LRFN5: variants seen among roughly 807,000 people sequenced by gnomAD.
LRFN5 encodes leucine-rich repeat and fibronectin type-III domain-containing protein 5.
A neutral mutation model predicts 45.6 loss-of-function variants in LRFN5; 24 were observed. The ratio of observed to expected loss-of-function variants is 0.53; its 90% CI spans 0.38 to 0.74. The LOEUF is 0.74. LRFN5 is among the 30% of genes least tolerant of loss of function. The pLI, the probability that LRFN5 is intolerant of heterozygous loss-of-function variation, is 0.00. For missense variants in LRFN5, 776 were observed against 861.5 expected, an observed-to-expected ratio of 0.90 and a Z score of 1.24; for synonymous variants, 340 against 313.8, an observed-to-expected ratio of 1.08 and a Z score of -0.88.
At chr14:41,759,518 A>T (rs1431667268) in intron 1 of LRFN5, among the ~76,000 whole-genome samples, 1 of 150,034 alleles carries the variant, frequency 6.7e-6, no homozygotes, top group Non-Finnish European at 1.5e-5. Flanking sequence ...ACCAGAAAAC[A>T]GCATTTTATT....
chr14:41,710,295 CTTCAAATTAATGAAAT>C lies in LRFN5; in HGVS notation c.-196-56554_-196-56539del, dbSNP rs1883228747. Among the ~76,000 whole-genome samples, 5 of 152,208 alleles carry C rather than the reference CTTCAAATTAATGAAAT, an allele frequency of 3.3e-5. No homozygotes were observed. In the South Asian group the frequency reaches 1.0e-3, roughly 32 times the overall value. ...TCAGTCTCCAAACATTTTGAAAGGACTTCAAATTAATGAAATTTCATTAGTGGCATACTCTTGCATC... is the reference window on the plus strand; with the variant it reads ...TCAGTCTCCAAACATTTTGAAAGGACTTCATTAGTGGCATACTCTTGCATC... On this transcript the variant is annotated intron_variant, in intron 1 of 5. Transcript: ENST00000298119.
chr14:41,619,926 T>C (rs1888061442), intron 1 of LRFN5, among the ~76,000 whole-genome samples: 1 of 152,072 alleles, frequency 6.6e-6, no homozygotes, highest in Admixed American at 6.6e-5. Context: ...AATGGAATGC[T>C]CAAACAGCAC....
intron 2 of LRFN5, among the ~76,000 whole-genome samples, chr14:41,830,651 A>T (rs573269522): frequency 1.3e-5 from 2 of 152,130 alleles, no homozygotes; most frequent in African/African-American, 4.8e-5. Flanking sequence ...AGAAACTAGC[A>T]CTCCTGCAGT....
intron 2 of LRFN5, among the ~76,000 whole-genome samples, chr14:41,872,958 T>G (rs187469228): frequency 6.6e-6 from 1 of 152,340 alleles, no homozygotes; most frequent in Admixed American, 6.5e-5. Context: ...TTCACTAAAC[T>G]TTTGTCTAAA....
chr14:41,795,923 A>AT lies in LRFN5; in HGVS notation c.-21+28895dup, dbSNP rs371192666. ...ACATGTACCCTAGAACTTAAAGTATATAAAAAAAAAGTTCCGGCTAAACAC... is the reference window on the plus strand; with the variant it reads ...ACATGTACCCTAGAACTTAAAGTATATTAAAAAAAAAGTTCCGGCTAAACAC... On this transcript the variant is annotated intron_variant, in intron 2 of 5. Transcript: ENST00000298119. Among the ~76,000 whole-genome samples, 27 of 66,200 alleles carry AT rather than the reference A, an allele frequency of 4.1e-4. No individual in the cohort carries two copies. In the East Asian group the frequency reaches 0.023, roughly 58 times the overall value. 43.4% of individuals were successfully genotyped at this position (66,200 alleles called of 152,430 possible).
chr14:41,806,100 A>G (rs1887517113), intron 2 of LRFN5, among the ~76,000 whole-genome samples: 1 of 152,182 alleles, frequency 6.6e-6, no homozygotes, highest in African/African-American at 2.4e-5. Context: ...AAATATTTTT[A>G]TTCCTTTCAC....
intron 2 of LRFN5, among the ~76,000 whole-genome samples, chr14:41,798,407 T>A (rs568807366): frequency 1.3e-5 from 2 of 152,096 alleles, no homozygotes; most frequent in East Asian, 3.9e-4. Context: ...AGAACTTATG[T>A]TTGACTTATT....
chr14:41,765,224 C>T (rs886565426), intron 1 of LRFN5, among the ~76,000 whole-genome samples: 1 of 151,760 alleles, frequency 6.6e-6, no homozygotes, highest in African/African-American at 2.4e-5. Context: ...CGCCTGTATT[C>T]CCAGCTACTC....
chr14:41,763,386 G>C (rs757376109), intron 1 of LRFN5, among the ~76,000 whole-genome samples: 2 of 152,152 alleles, frequency 1.3e-5, no homozygotes, highest in Non-Finnish European at 2.9e-5. Context: ...GTATCATTTG[G>C]TGCTGGAGGA....
At chr14:41,848,340 A>C (rs1889142336) in intron 2 of LRFN5, among the ~76,000 whole-genome samples, 1 of 152,134 alleles carries the variant, frequency 6.6e-6, no homozygotes, top group Non-Finnish European at 1.5e-5. Context: ...TAGAAAGTTT[A>C]AACTACCAAA....
chr14:41,772,636 A>T (rs1886131109), intron 2 of LRFN5, among the ~76,000 whole-genome samples: 1 of 152,168 alleles, frequency 6.6e-6, no homozygotes, highest in Non-Finnish European at 1.5e-5. Context: ...TATAGCACAG[A>T]CCTTGCTAGT....
chr14:41,791,679 G>C (rs922805120), intron 2 of LRFN5, among the ~76,000 whole-genome samples: 2 of 152,006 alleles, frequency 1.3e-5, no homozygotes, highest in Admixed American at 6.6e-5. Flanking sequence ...ACTGTGTTCA[G>C]CTTTTTTACT....
At chr14:41,787,767 ATTTTATT>A (rs1244514932) in intron 2 of LRFN5, among the ~76,000 whole-genome samples, 8 of 150,722 alleles carry the variant, frequency 5.3e-5, no homozygotes, top group African/African-American at 1.5e-4. Flanking sequence ...ATTAGTTTAT[ATTTTATT>A]TTTTATTTTT....
intron 1 of LRFN5, among the ~76,000 whole-genome samples, chr14:41,674,440 C>T (rs1354072242): frequency 7.2e-6 from 1 of 138,946 alleles, no homozygotes; most frequent in Non-Finnish European, 1.6e-5. Context: ...CCTCACTTCC[C>T]AGTAGGGGCG....
At chr14:41,823,870 T>C (rs1330835983) in intron 2 of LRFN5, among the ~76,000 whole-genome samples, 1 of 152,140 alleles carries the variant, frequency 6.6e-6, no homozygotes, top group Non-Finnish European at 1.5e-5. Flanking sequence ...TTTTTAAAAA[T>C]TATCTTTTCC....
At chr14:41,837,976 A>G (rs541977613) in intron 2 of LRFN5, among the ~76,000 whole-genome samples, 23 of 152,280 alleles carry the variant, frequency 1.5e-4, no homozygotes, top group African/African-American at 4.1e-4. Flanking sequence ...TCCACATGAG[A>G]CTATATTTAG....
chr14:41,732,370 G>C (rs1037020780), intron 1 of LRFN5, among the ~76,000 whole-genome samples: 2 of 152,126 alleles, frequency 1.3e-5, no homozygotes, highest in Non-Finnish European at 2.9e-5. Flanking sequence ...GATTTAAGAG[G>C]CTGGTGCCTT....
chr14:41,663,115 G>A (rs1001545288), intron 1 of LRFN5, among the ~76,000 whole-genome samples: 5 of 152,220 alleles, frequency 3.3e-5, no homozygotes, highest in Admixed American at 3.3e-4. Context: ...ATAGAAACAT[G>A]AGAGGTGACT....
At chr14:41,791,003 A>G (rs1451349057) in intron 2 of LRFN5, among the ~76,000 whole-genome samples, 8 of 151,762 alleles carry the variant, frequency 5.3e-5, no homozygotes, top group Non-Finnish European at 1.2e-4. Context: ...TCCACATATT[A>G]TTTTCAATTT....
Sources: gnomAD v4.1 joint callset for allele counts (sites outside exome capture counted in the v4.1 genomes callset) on GRCh38, gnomAD v4.1.1 for gene constraint, MANE v1.5 for transcripts, NCBI Gene and HGNC (gene_info 2026-07-23, HGNC 2026-07-21) for gene names.